ASTN2: variants seen among roughly 807,000 people sequenced by gnomAD.
ASTN2 encodes the protein astrotactin-2.
In ASTN2, 54 loss-of-function variants were observed where a neutral mutation model predicts 139.8. The observed-to-expected ratio is 0.39, with a 90% CI of 0.31 to 0.48. The LOEUF (loss-of-function observed/expected upper bound fraction) is 0.48. Among genes scored for constraint, ASTN2 ranks in the 20% least tolerant of loss-of-function variants. The probability of loss-of-function intolerance (pLI) is 0.95; values close to 1 mark genes in which losing one functional copy is unlikely to be tolerated. For missense variants in ASTN2, 1,565 were observed against 1,725.1 expected (o/e 0.91, Z 1.64); for synonymous variants, 756 against 719.5 (o/e 1.05, Z -0.81).
chr9:116,877,741 C>T (rs181859529), intron 10 of ASTN2, among the ~76,000 whole-genome samples: 2 of 152,206 alleles, frequency 1.3e-5, no homozygotes, highest in African/African-American at 4.8e-5. Flanking sequence ...CCCACCCCCA[C>T]CATGCACAGT....
intron 6 of ASTN2, among the ~76,000 whole-genome samples, chr9:117,011,104 G>A (rs769170901): frequency 1.3e-5 from 2 of 152,174 alleles, no homozygotes; most frequent in Non-Finnish European, 2.9e-5. Context: ...AGGAACAGGA[G>A]CTATTTTGGT....
intron 19 of ASTN2, chr9:116,547,251 G>T (rs1034801444): frequency 6.6e-6 from 1 of 152,148 alleles, no homozygotes; most frequent in African/African-American, 2.4e-5. Context: ...TCTTAGATTT[G>T]TATATCCCTC....
At chr9:116,791,996 T>G (rs1255234427) in intron 13 of ASTN2, among the ~76,000 whole-genome samples, 1 of 152,184 alleles carries the variant, frequency 6.6e-6, no homozygotes, top group African/African-American at 2.4e-5. Context: ...AAATATACTC[T>G]GTATAATTTG....
intron 1 of ASTN2, among the ~76,000 whole-genome samples, chr9:117,340,468 C>T (rs1352432902): frequency 6.6e-6 from 1 of 150,664 alleles, no homozygotes; most frequent in Non-Finnish European, 1.5e-5. Flanking sequence ...CTAAATTTTT[C>T]TGCCACCTCT....
chr9:116,682,891 G>A (rs1272537630), intron 16 of ASTN2, among the ~76,000 whole-genome samples: 1 of 152,050 alleles, frequency 6.6e-6, no homozygotes, highest in Admixed American at 6.6e-5. Flanking sequence ...TGGAGGGAGA[G>A]GGGAGGGATA....
At chr9:116,497,068 G>A (rs2119121979) in intron 19 of ASTN2, among the ~76,000 whole-genome samples, 1 of 152,268 alleles carries the variant, frequency 6.6e-6, no homozygotes, top group African/African-American at 2.4e-5. Context: ...CTTGCACACT[G>A]GCCTAGGGAG....
intron 6 of ASTN2, among the ~76,000 whole-genome samples, chr9:117,019,489 C>G (rs183537807): frequency 1.5e-4 from 23 of 152,210 alleles, no homozygotes; most frequent in African/African-American, 5.1e-4. Context: ...AATGTAATAA[C>G]AGGGAACTGC....
chr9:116,473,029 T>G (rs1049423593), intron 20 of ASTN2, among the ~76,000 whole-genome samples: 1 of 151,764 alleles, frequency 6.6e-6, no homozygotes, highest in Admixed American at 6.6e-5. Context: ...GCCTGTAAAA[T>G]AGGGATAGTA....
intron 20 of ASTN2, among the ~76,000 whole-genome samples, chr9:116,464,555 T>C (rs1400202423): frequency 6.6e-6 from 1 of 152,190 alleles, no homozygotes; most frequent in African/African-American, 2.4e-5. Context: ...AGTTATGTGG[T>C]CCATTCATGT....
At chr9:116,708,499 G>T (rs914834784) in intron 16 of ASTN2, among the ~76,000 whole-genome samples, 2 of 152,148 alleles carry the variant, frequency 1.3e-5, no homozygotes, top group African/African-American at 4.8e-5. Context: ...ACAAGATCTT[G>T]ACCACATTTA....
chr9:116,817,995 C>T (rs1257804709), intron 12 of ASTN2, among the ~76,000 whole-genome samples: 1 of 152,066 alleles, frequency 6.6e-6, no homozygotes, highest in Non-Finnish European at 1.5e-5. Context: ...TCAATCTCAA[C>T]AACCTCACTT....
At chr9:117,333,750 C>A (rs1019030826) in intron 1 of ASTN2, among the ~76,000 whole-genome samples, 1 of 152,218 alleles carries the variant, frequency 6.6e-6, no homozygotes, top group East Asian at 1.9e-4. Context: ...GTGATCTGCC[C>A]GCTTCAGCTT....
Position 116,555,986 on chromosome 9 carries a change from T to C in ASTN2, c.3355+62338A>G, listed in dbSNP as rs1159688397. ...GCAGCACCAGACTGGGCAAAAATAA[T>C]TGGCATTCATCCATCCAATCCTCTC... On this transcript the variant is annotated intron_variant, in intron 19 of 22. Transcript: ENST00000313400. Among the ~76,000 whole-genome samples the C allele has an allele frequency of 2.6e-5, 4 of 152,118 alleles. No individual in the cohort carries two copies. In the South Asian group the frequency reaches 6.2e-4, roughly 24 times the overall value.
At chr9:117,179,538 C>A (rs1831004152) in intron 3 of ASTN2, among the ~76,000 whole-genome samples, 1 of 152,134 alleles carries the variant, frequency 6.6e-6, no homozygotes, top group Non-Finnish European at 1.5e-5. Context: ...TAGCAATATT[C>A]TTCTGGCTCC....
chr9:116,456,138 A>C (rs1265761414), intron 20 of ASTN2, among the ~76,000 whole-genome samples: 2 of 152,158 alleles, frequency 1.3e-5, no homozygotes, highest in African/African-American at 4.8e-5. Flanking sequence ...ACCAAGAAAA[A>C]AACTATTAGA....
chr9:116,840,564 C>G (rs1234778955), intron 11 of ASTN2, among the ~76,000 whole-genome samples: 19 of 115,480 alleles, frequency 1.6e-4, no homozygotes, highest in Non-Finnish European at 2.9e-4. Context: ...GGCTGACCCC[C>G]CCACCTCCCT....
Position 117,414,635 on chromosome 9 carries a change from C to A in ASTN2, c.304G>T (p.Ala102Ser), listed in dbSNP as rs1387733260. 2.1e-6 allele frequency: 3 copies of A among 1,397,056 alleles called. No individual in the cohort carries two copies. Among genetic ancestry groups the A allele is most frequent in the African/African-American group, 3.0e-5 (2 of 66,934 alleles). 86.5% of individuals were successfully genotyped at this position (1,397,056 alleles called of 1,614,324 possible). ...AGTGAGAAAA[A>S]ASPGSPGSAG... ...GAGCCAGGAGAGCCCGGGGACGCGG[C>A]GGCGGCGGCGGCTCCGGCCCCGGTC... Residue 102 changes from alanine (A) to serine (S), a missense_variant, in exon 1 of 23, where the codon GCC becomes TCC. Physicochemically the swap from Ala to Ser is moderately conservative, Grantham distance 99. Transcript: ENST00000313400. The surrounding 1 kb of genome is among the most constrained non-coding windows in gnomAD (Gnocchi z 4.2).
chr9:116,572,823 G>C (rs1306506412), intron 19 of ASTN2, among the ~76,000 whole-genome samples: 1 of 152,166 alleles, frequency 6.6e-6, no homozygotes, highest in Non-Finnish European at 1.5e-5. Context: ...CAGAAAGAGG[G>C]AGGACTGAAA....
chr9:116,565,210 CCACAAACACACACACA>C (rs922633642), intron 19 of ASTN2, among the ~76,000 whole-genome samples: 3 of 87,402 alleles, frequency 3.4e-5, no homozygotes, highest in Non-Finnish European at 4.6e-5. Context: ...CTTAGGCTTG[CCACAAACACACACACA>C]CACACACACA....
Sources: allele counts gnomAD v4.1 joint callset (sites outside exome capture counted in the v4.1 genomes callset), GRCh38; gene constraint gnomAD v4.1.1; non-coding constraint Gnocchi (gnomAD v3.1); transcripts MANE v1.5; gene names NCBI Gene and HGNC (gene_info 2026-07-23, HGNC 2026-07-21).